Variants in PIK3R5 observed in about 807,000 individuals in gnomAD.
PIK3R5 encodes the protein phosphoinositide 3-kinase regulatory subunit 5.
In PIK3R5, 32 loss-of-function variants were observed where a neutral mutation model predicts 94.9. That is an observed-to-expected ratio of 0.34 (90% CI 0.25 to 0.45). The LOEUF (loss-of-function observed/expected upper bound fraction) is 0.45, where lower values mean the gene tolerates loss of function less well. PIK3R5 is among the 20% of genes least tolerant of loss of function. The pLI is 1.00. For synonymous variants in PIK3R5, 443 were observed against 479.4 expected (o/e 0.92, Z 0.99); for missense variants, 853 against 1,144.6 (o/e 0.75, Z 3.68).
At chr17:8,910,619 T>A (rs1485592085) in intron 2 of PIK3R5, among the ~76,000 whole-genome samples, 1 of 152,122 alleles carries the variant, frequency 6.6e-6, no homozygotes, top group African/African-American at 2.4e-5. Flanking sequence ...ATAGCTTTAA[T>A]CCAGGTCTGT....
At chr17:8,894,608 T>C (rs545925730) in intron 5 of PIK3R5, among the ~76,000 whole-genome samples, 2 of 152,318 alleles carry the variant, frequency 1.3e-5, no homozygotes. Flanking sequence ...AAGGTTTTCC[T>C]TTTGTTTCTG....
At chr17:8,956,798 C>T (rs965011308) in intron 1 of PIK3R5, among the ~76,000 whole-genome samples, 1 of 152,072 alleles carries the variant, frequency 6.6e-6, no homozygotes, top group Non-Finnish European at 1.5e-5. Context: ...ATAGGTTGGC[C>T]CCAAGATCTT....
intron 1 of PIK3R5, among the ~76,000 whole-genome samples, chr17:8,917,276 C>A (rs76685342): frequency 1.3e-3 from 201 of 152,196 alleles, no homozygotes; most frequent in African/African-American, 4.7e-3. Flanking sequence ...AGCTTTAACG[C>A]TTAGAACCAT....
chr17:8,886,691 A>C, intron 12 of PIK3R5, 86 bp from the exon 13 acceptor site: 1 of 1,412,934 alleles, frequency 7.1e-7, no homozygotes, highest in Non-Finnish European at 9.6e-7. Flanking sequence ...GGAAGAGAGA[A>C]GAGAGACATA....
chr17:8,961,266 G>A (rs1369646170), intron 1 of PIK3R5, among the ~76,000 whole-genome samples: 1 of 152,148 alleles, frequency 6.6e-6, no homozygotes, highest in African/African-American at 2.4e-5. Context: ...AGAAGGAGGG[G>A]TGGACCTGGG....
chr17:8,922,993 C>T (rs1007328121), intron 1 of PIK3R5, among the ~76,000 whole-genome samples: 1 of 152,094 alleles, frequency 6.6e-6, no homozygotes, highest in African/African-American at 2.4e-5. Flanking sequence ...ACAGGAATGC[C>T]TGGGAAGACC....
intron 1 of PIK3R5, among the ~76,000 whole-genome samples, chr17:8,962,927 CT>C (rs2151487956): frequency 6.6e-6 from 1 of 152,314 alleles, no homozygotes; most frequent in African/African-American, 2.4e-5. Flanking sequence ...ACACCTCTCC[CT>C]TGACTTGTTA....
At chr17:8,934,790 T>C (rs1405592623) in intron 1 of PIK3R5, among the ~76,000 whole-genome samples, 1 of 152,208 alleles carries the variant, frequency 6.6e-6, no homozygotes, top group Non-Finnish European at 1.5e-5. Flanking sequence ...CTATGCACGG[T>C]TGTCCCTGAG....
At chr17:8,891,627 G>A (rs970879602) in intron 6 of PIK3R5, among the ~76,000 whole-genome samples, 1 of 135,660 alleles carries the variant, frequency 7.4e-6, no homozygotes. Context: ...ACGGAGTCTT[G>A]TTCTTGTCAC....
intron 1 of PIK3R5, chr17:8,912,045 C>T (rs2090538426): frequency 6.6e-6 from 1 of 152,414 alleles, no homozygotes; most frequent in African/African-American, 2.4e-5. Context: ...TCCTTTCTGC[C>T]CTAACCTCCA....
Position 8,909,374 on chromosome 17 carries a change from C to T in PIK3R5, c.104-200G>A, listed in dbSNP as rs71371877. 2.0e-5 allele frequency among the ~76,000 whole-genome samples: 3 copies of T among 152,104 alleles called. No homozygotes were observed. The highest frequency in any genetic ancestry group is 4.4e-5 in the Non-Finnish European group (3 of 68,004). ...GTGCGATCTCAGCTCACTGCAACCT[C>T]TGCCTCCCGGGTTCAAGCGATTCCC... On this transcript the variant is annotated intron_variant, in intron 2 of 18. Coordinates refer to ENST00000447110, the MANE Select transcript of PIK3R5 (RefSeq NM_001142633.3). The surrounding 1 kb of genome is among the most constrained non-coding windows in gnomAD (Gnocchi z 4.3).
Position 8,882,439 on chromosome 17 carries a change from C to T in PIK3R5, c.2206-558G>A, listed in dbSNP as rs1457317548. 1 of 160,338 alleles carries T rather than the reference C, an allele frequency of 6.2e-6. No individual in the cohort carries two copies. Among genetic ancestry groups the T allele is most frequent in the Non-Finnish European group, 1.4e-5 (1 of 72,278 alleles). The allele number at this position is 160,338 out of a possible 1,614,324, so 9.9% of individuals were successfully genotyped here. A position where few individuals can be genotyped will look rare whatever the true frequency, so the allele number is the denominator to read the frequency against. Reference sequence around the variant, plus strand: ...CCTCTCTGCTTTGCTGGATCGCTGCCCTCTGCCCGCCATTACATCATGAAG... The same window carrying T: ...CCTCTCTGCTTTGCTGGATCGCTGCTCTCTGCCCGCCATTACATCATGAAG... On this transcript the variant is annotated intron_variant, in intron 15 of 18. Transcript: ENST00000447110. The surrounding 1 kb of genome is among the most constrained non-coding windows in gnomAD (Gnocchi z 4.1).
chr17:8,886,370 C>T (rs1287015546), intron 13 of PIK3R5, 48 bp from the exon 14 acceptor site: 1 of 1,598,978 alleles, frequency 6.3e-7, no homozygotes, highest in Non-Finnish European at 8.6e-7. Context: ...CCTGGAGGGG[C>T]CCATTTGGCT....
Position 8,904,770 on chromosome 17 carries a change from T to A in PIK3R5, c.412+7A>T, listed in dbSNP as rs774144866. 1 of 1,614,018 alleles carries A rather than the reference T, an allele frequency of 6.2e-7. No homozygotes were observed. Among genetic ancestry groups the A allele is most frequent in the East Asian group, 2.2e-5 (1 of 44,880 alleles). On this transcript the variant is annotated splice_region_variant and intron_variant, in intron 5 of 18. Coordinates refer to ENST00000447110, the MANE Select transcript of PIK3R5 (RefSeq NM_001142633.3). This position sits in a 1 kb window ranked among gnomAD's most constrained non-coding sequence, Gnocchi z 5.1. ...CTGTCCCCCGTGCCAGCTGCCTCAG[T>A]GCTTACCTGGGGCCTTGAGTTCAGC...
rs1404082157 is a variant in PIK3R5, at chr17:8,911,052, T to C, written c.103+340A>G. Reference sequence around the variant, plus strand: ...ACTAGAAACAAACAAACAGGAGAATTCTGGGGAGAGCTGCCTGTGAATTCC... The same window carrying C: ...ACTAGAAACAAACAAACAGGAGAATCCTGGGGAGAGCTGCCTGTGAATTCC... On this transcript the variant is annotated intron_variant, in intron 2 of 18. Transcript: ENST00000447110. The surrounding 1 kb of genome is among the most constrained non-coding windows in gnomAD (Gnocchi z 5.3). Among the ~76,000 whole-genome samples, 1 of 152,140 alleles carries C rather than the reference T, an allele frequency of 6.6e-6. No individual in the cohort carries two copies. The highest frequency in any genetic ancestry group is 2.4e-5 in the African/African-American group (1 of 41,426).
rs1404222542 is a variant in PIK3R5 at position 8,925,486 on chromosome 17, GGATA to G, written c.-13-13983_-13-13980del. On this transcript the variant is annotated intron_variant, in intron 1 of 18. Coordinates refer to ENST00000447110, the MANE Select transcript of PIK3R5 (RefSeq NM_001142633.3). This position sits in a 1 kb window ranked among gnomAD's most constrained non-coding sequence, Gnocchi z 5.1. The stretch of plus-strand genomic sequence containing the variant: ...GATGGATGATAGATAGATAGTAGAT[GGATA>G]GATAGTAGATGGATAGATAGTAGAT... Among the ~76,000 whole-genome samples the G allele has an allele frequency of 2.9e-5, 4 of 138,220 alleles. No homozygotes were observed. Among genetic ancestry groups the G allele is most frequent in the Admixed American group, 6.9e-5 (1 of 14,396 alleles). The allele number at this position is 138,220 out of a possible 152,430, so 90.7% of individuals were successfully genotyped here.
intron 1 of PIK3R5, among the ~76,000 whole-genome samples, chr17:8,939,742 C>A (rs975015188): frequency 5.9e-5 from 9 of 152,214 alleles, no homozygotes; most frequent in African/African-American, 2.2e-4. Flanking sequence ...GGATGCCTGG[C>A]TGAGAATCTC....
chr17:8,934,245 AG>A (rs1447110251), intron 1 of PIK3R5, among the ~76,000 whole-genome samples: 2 of 152,256 alleles, frequency 1.3e-5, no homozygotes, highest in Non-Finnish European at 2.9e-5. Context: ...ATACAAAGTC[AG>A]TATTTAAAAG....
chr17:8,930,266 C>A (rs2090964102), intron 1 of PIK3R5, among the ~76,000 whole-genome samples: 1 of 152,082 alleles, frequency 6.6e-6, no homozygotes, highest in Non-Finnish European at 1.5e-5. Context: ...ACAATGGAAT[C>A]AAACTAGCAA....
Sources: gnomAD v4.1 joint callset for allele counts (sites outside exome capture counted in the v4.1 genomes callset) on GRCh38, gnomAD v4.1.1 for gene constraint, Gnocchi (gnomAD v3.1) non-coding constraint, MANE v1.5 for transcripts, NCBI Gene and HGNC (gene_info 2026-07-23, HGNC 2026-07-21) for gene names.